The following RYR1 variants were observed in gnomAD, a reference collection of about 807,000 sequenced individuals.
RYR1 encodes central core disease of muscle.
A neutral mutation model predicts 583.5 loss-of-function variants in RYR1; 342 were observed. That is an observed-to-expected ratio of 0.59 (90% CI 0.54 to 0.64). The LOEUF (loss-of-function observed/expected upper bound fraction) is 0.64. Ranked by LOEUF, RYR1 falls within the 30% of genes least tolerant of loss-of-function variation. The pLI, the probability that RYR1 is intolerant of heterozygous loss-of-function variation, is 0.00. For missense variants in RYR1, 6,032 were observed against 6,917.2 expected, an observed-to-expected ratio of 0.87 and a Z score of 4.54; for synonymous variants, 2,791 against 2,822.5, an observed-to-expected ratio of 0.99 and a Z score of 0.35.
In RYR1 at chr19:38,528,307, C is replaced by T. The variant is rs1971570488; in HGVS notation, c.10826C>T (p.Thr3609Ile). The T allele has an allele frequency of 1.2e-6, 2 of 1,613,986 alleles. No homozygotes were observed. Among genetic ancestry groups the T allele is most frequent in the East Asian group, 4.5e-5 (2 of 44,868 alleles). Residue 3609 changes from threonine (T) to isoleucine (I), a missense_variant and splice_region_variant, in exon 74 of 106, where the codon ACC becomes ATC. Around this residue, in one of 11 missense-constraint regions of RYR1, gnomAD observed 1,493 missense variants for 1,715.5 expected, o/e 0.87. Coordinates refer to ENST00000359596, the MANE Select transcript of RYR1 (RefSeq NM_000540.3). ...ACTGTCCTGCTATCCCCTCCCCAGA[C>T]CGAGCACCCTTACAAGTCTAAGAAG... is the stretch of plus-strand genomic sequence containing the variant. ...VSAVLYYLDQ[T>I]EHPYKSKKAV...
At chr19:38,441,970 G>A (rs1053858631) in intron 2 of RYR1, among the ~76,000 whole-genome samples, 1 of 151,854 alleles carries the variant, frequency 6.6e-6, no homozygotes, top group Non-Finnish European at 1.5e-5. Context: ...ATCTGCAGAG[G>A]AGGACACAGA....
At chr19:38,553,494 C>A (rs988633121) in intron 89 of RYR1, among the ~76,000 whole-genome samples, 6 of 148,304 alleles carry the variant, frequency 4.0e-5, no homozygotes, top group East Asian at 3.9e-4. Flanking sequence ...AAAAAAAAAT[C>A]AAAAAATTAG....
chr19:38,585,638 T>A (rs916236851), intron 102 of RYR1, among the ~76,000 whole-genome samples: 1 of 151,642 alleles, frequency 6.6e-6, no homozygotes. Context: ...CACACCCAGC[T>A]AATTTTTTTT....
chr19:38,521,118 A>G (rs1303855719), intron 67 of RYR1, among the ~76,000 whole-genome samples: 1 of 151,880 alleles, frequency 6.6e-6, no homozygotes, highest in African/African-American at 2.4e-5. Flanking sequence ...CTACAAAAAA[A>G]GAAAAGAAAT....
rs1281249241 is a variant in RYR1, at chr19:38,565,848, GAC to G, written c.13437+85_13437+86del. ...GAGGAAGAGAGCCCGGCTGGGTGGA[GAC>G]ACACACAGAGGAGAGAACTGGCTAG... On this transcript the variant is annotated intron_variant, in intron 91 of 105. Coordinates refer to ENST00000359596, the MANE Select transcript of RYR1 (RefSeq NM_000540.3). The surrounding 1 kb of genome is among the most constrained non-coding windows in gnomAD (Gnocchi z 4.7). 2.3e-5 allele frequency: 31 copies of G among 1,337,492 alleles called. No homozygotes were observed. The East Asian group carries it at 2.8e-4, about 12-fold the overall frequency. 82.9% of individuals were successfully genotyped at this position (1,337,492 alleles called of 1,614,324 possible).
In RYR1 at chr19:38,502,673, C is replaced by T. The variant is rs749564145; in HGVS notation, c.7781C>T (p.Ser2594Leu). ...GTGTACCGCCTGTCTCGGGGTCGTT[C>T]GCTCACCAAGGCGCAGCGTGACGTC... ...HTVYRLSRGR[S>L]LTKAQRDVIE... Residue 2594 changes from serine (S) to leucine (L), a missense_variant, in exon 48 of 106, where the codon TCG (serine) becomes TTG (leucine). This residue lies in a region of RYR1 where 250 missense variants were observed against 162.3 expected (regional missense o/e 1.54). Coordinates refer to ENST00000359596, the MANE Select transcript of RYR1 (RefSeq NM_000540.3). 34 of 1,610,446 alleles carry T rather than the reference C, an allele frequency of 2.1e-5. No homozygotes were observed. The highest frequency in any genetic ancestry group is 1.6e-4 in the Middle Eastern group (1 of 6,084).
Position 38,580,020 on chromosome 19 carries a change from C to T in RYR1, c.14403C>T (p.Leu4801=), listed in dbSNP as rs1974127347. Residue 4801 remains leucine (L), a synonymous_variant, in exon 100 of 106, where the codon CTC becomes CTT. Coordinates refer to ENST00000359596, the MANE Select transcript of RYR1 (RefSeq NM_000540.3). ...TGGGCTGGTATATGGTGATGTCCCT[C>T]TTGGGACACTACAACAACTTCTTCT... is the stretch of plus-strand genomic sequence containing the variant. ...LYLGWYMVMS[L]LGHYNNFFFA... The T allele has an allele frequency of 6.2e-7, 1 of 1,614,020 alleles. No homozygotes were observed. The highest frequency in any genetic ancestry group is 8.5e-7 in the Non-Finnish European group (1 of 1,180,022).
chr19:38,462,168 G>A (rs1891068575), intron 20 of RYR1, among the ~76,000 whole-genome samples: 1 of 152,198 alleles, frequency 6.6e-6, no homozygotes. Flanking sequence ...TTTCAGTCAC[G>A]TGATCTTGGG....
chr19:38,453,002 CTT>C lies in RYR1; in HGVS notation c.1429_1430del (p.Phe477ProfsTer27). The C allele has an allele frequency of 6.2e-7, 1 of 1,613,738 alleles. No individual in the cohort carries two copies. Among genetic ancestry groups the C allele is most frequent in the Non-Finnish European group, 8.5e-7 (1 of 1,179,762 alleles). On this transcript the variant is annotated frameshift_variant, in exon 13 of 106. Transcript: ENST00000359596. LOFTEE classifies it high-confidence loss of function. The part of the protein sequence containing the change: ...LRSLRNRQSL[F>X]QEEGMLSMVL... ...GAAGCCTGCGCAACCGCCAGAGCCT[CTT>C]CCAGGAGGAGGTGAGGACGTGGCGA...
chr19:38,510,441 A>C, intron 58 of RYR1, 57 bp from the exon 59 acceptor site: 1 of 1,581,758 alleles, frequency 6.3e-7, no homozygotes, highest in Non-Finnish European at 8.7e-7. Context: ...TCCCATCAGA[A>C]CACCCTGGGT....
At chr19:38,505,691 G>A in intron 53 of RYR1, 115 bp from the exon 54 acceptor site, 1 of 1,333,842 alleles carries the variant, frequency 7.5e-7, no homozygotes, top group Non-Finnish European at 1.1e-6. Flanking sequence ...ACTTGAGTTG[G>A]AATCCAGACT....
At chr19:38,457,414 C>T (rs1967471403) in intron 16 of RYR1, 83 bp from the exon 17 acceptor site, 2 of 1,603,252 alleles carry the variant, frequency 1.2e-6, no homozygotes, top group African/African-American at 1.3e-5. Context: ...TCCTTTCCTC[C>T]TGGCTTCCCT....
In RYR1 at chr19:38,444,687, C is replaced by G. The variant is rs1194395006; in HGVS notation, c.631+10C>G. On this transcript the variant is annotated intron_variant, in intron 7 of 105. Transcript: ENST00000359596. This position sits in a 1 kb window ranked among gnomAD's most constrained non-coding sequence, Gnocchi z 5.1. The stretch of plus-strand genomic sequence containing the variant: ...TCCCGCTGCGAAGAGGGTGAGGGCC[C>G]CAGACCTCCCCCTAAATGGAGATCC... The G allele has an allele frequency of 1.1e-5, 17 of 1,598,148 alleles. No homozygotes were observed. In the Admixed American group the frequency reaches 2.9e-4, roughly 27 times the overall value.
At chr19:38,528,859 G>A (rs1412169858) in intron 75 of RYR1, 92 bp from the exon 76 acceptor site, 17 of 1,508,014 alleles carry the variant, frequency 1.1e-5, no homozygotes, top group Non-Finnish European at 1.6e-5. Flanking sequence ...TGTGGGAAAA[G>A]AGAAAAAAAA....
At chr19:38,490,599 C>T in intron 36 of RYR1, 22 bp from the exon 37 acceptor site, 1 of 1,484,152 alleles carries the variant, frequency 6.7e-7, no homozygotes, top group South Asian at 1.1e-5. Context: ...GACCCTCATT[C>T]TAATCTTTGA....
Position 38,512,469 on chromosome 19 carries a change from G to A in RYR1, c.9458G>A (p.Gly3153Glu). 1 of 1,612,044 alleles carries A rather than the reference G, an allele frequency of 6.2e-7. No individual in the cohort carries two copies. Among genetic ancestry groups the A allele is most frequent in the Non-Finnish European group, 8.5e-7 (1 of 1,180,036 alleles). Residue 3153 changes from glycine to glutamate, a missense_variant, in exon 63 of 106, where the codon GGA (glycine) becomes GAA (glutamate). Coordinates refer to ENST00000359596, the MANE Select transcript of RYR1 (RefSeq NM_000540.3). This position sits in a 1 kb window ranked among gnomAD's most constrained non-coding sequence, Gnocchi z 5.1. ...LFQHIAQHQF[G>E]DDVILDDVQV... is the part of the protein sequence containing the mutation. ...CAGCACATCGCCCAGCACCAGTTCGGAGATGACGTCATCCGTAAGGGCGCC... is the reference window on the plus strand; with the variant it reads ...CAGCACATCGCCCAGCACCAGTTCGAAGATGACGTCATCCGTAAGGGCGCC...
chr19:38,463,144 C>G (rs1318626806), intron 20 of RYR1, among the ~76,000 whole-genome samples: 1 of 57,174 alleles, frequency 1.7e-5, no homozygotes, highest in African/African-American at 6.7e-5. Flanking sequence ...GCGATCTGCC[C>G]CCCCCCCCCC....
rs186929048 is a variant in RYR1 at position 38,558,190 on chromosome 19, T to C, written c.12283-2923T>C. ...TTAGCTGGGTATGGTGGTGCATGCCTGTGGTCCCAACTTGGAAGGCTAAGA... is the reference window on the plus strand; with the variant it reads ...TTAGCTGGGTATGGTGGTGCATGCCCGTGGTCCCAACTTGGAAGGCTAAGA... On this transcript the variant is annotated intron_variant, in intron 89 of 105. Coordinates refer to ENST00000359596, the MANE Select transcript of RYR1 (RefSeq NM_000540.3). Among the ~76,000 whole-genome samples the C allele has an allele frequency of 1.6e-4, 25 of 151,572 alleles. No individual in the cohort carries two copies. The East Asian group carries it at 3.5e-3, about 21-fold the overall frequency.
chr19:38,571,938 A>G lies in RYR1; in HGVS notation c.13747-81A>G, dbSNP rs966689165. ...ACTGTATCTGGTATGGTCCCAGTCC[A>G]ATCTCGGGAATGGAGGCTCAATTTT... On this transcript the variant is annotated intron_variant, in intron 94 of 105. Transcript: ENST00000359596. 22 of 1,600,024 alleles carry G rather than the reference A, an allele frequency of 1.4e-5. No individual in the cohort carries two copies. In the African/African-American group the frequency reaches 2.8e-4, roughly 20 times the overall value.
Sources: gnomAD v4.1 joint callset for allele counts (sites outside exome capture counted in the v4.1 genomes callset) on GRCh38, gnomAD v4.1.1 for gene constraint, gnomAD v4.1.1 regional missense constraint, Gnocchi (gnomAD v3.1) non-coding constraint, MANE v1.5 for transcripts, NCBI Gene and HGNC (gene_info 2026-07-23, HGNC 2026-07-21) for gene names.